Variants in NFIB observed in about 807,000 individuals in gnomAD.
The protein encoded by NFIB is nuclear factor I B.
NFIB carries 11 observed loss-of-function variants against 61.5 expected under a neutral mutation model. The observed-to-expected ratio is 0.18, with a 90% confidence interval of 0.11 to 0.30. The LOEUF is 0.30. Among genes scored for constraint, NFIB ranks in the 10% least tolerant of loss-of-function variants. NFIB has a pLI of 1.00. For synonymous variants in NFIB, 260 were observed against 216.5 expected (o/e 1.20, Z -1.76); for missense variants, 471 against 608.9 (o/e 0.77, Z 2.38).
Position 14,083,422 on chromosome 9 carries a change from A to G in NFIB, c.*4887T>C, listed in dbSNP as rs1356774507. 5 of 213,510 alleles carry G rather than the reference A, an allele frequency of 2.3e-5. No individual in the cohort carries two copies. Among genetic ancestry groups the G allele is most frequent in the Non-Finnish European group, 3.8e-5 (4 of 106,236 alleles). 13.2% of individuals were successfully genotyped at this position (213,510 alleles called of 1,614,324 possible). ...GAAGGCAGCTTTCAGCTCCTTCAGC[A>G]TGGAGTAGAACATTCATTTTTGAGC... On this transcript the variant is annotated 3_prime_UTR_variant, in exon 11 of 11. Transcript: ENST00000380953.
intron 2 of NFIB, among the ~76,000 whole-genome samples, chr9:14,220,071 T>C (rs553338010): frequency 6.6e-6 from 1 of 152,234 alleles, no homozygotes; most frequent in Non-Finnish European, 1.5e-5. Context: ...TTTCTGCATG[T>C]TGAGCCAAGG....
At chr9:14,212,362 T>C (rs2050403893) in intron 2 of NFIB, among the ~76,000 whole-genome samples, 2 of 152,220 alleles carry the variant, frequency 1.3e-5, no homozygotes, top group Non-Finnish European at 2.9e-5. Context: ...CAAATGATTA[T>C]ATACTCATTT....
intron 2 of NFIB, among the ~76,000 whole-genome samples, chr9:14,217,209 T>C (rs1156412678): frequency 6.6e-6 from 1 of 152,206 alleles, no homozygotes; most frequent in African/African-American, 2.4e-5. Flanking sequence ...GTTACAGCTT[T>C]TATATATGTT....
chr9:14,469,132 G>T, the NFIB span, among the ~76,000 whole-genome samples: 1 of 152,092 alleles, frequency 6.6e-6, no homozygotes, highest in African/African-American at 2.4e-5. Flanking sequence ...ATTTTTTGAT[G>T]CCCACTTCTT....
intron 2 of NFIB, among the ~76,000 whole-genome samples, chr9:14,269,169 A>G (rs1449378668): frequency 2.0e-5 from 3 of 152,130 alleles, no homozygotes; most frequent in Non-Finnish European, 2.9e-5. Flanking sequence ...CTGAACTTTT[A>G]CTTTTTAATG....
chr9:14,183,491 C>T (rs1345208617), intron 2 of NFIB, among the ~76,000 whole-genome samples: 1 of 151,844 alleles, frequency 6.6e-6, no homozygotes, highest in Non-Finnish European at 1.5e-5. Flanking sequence ...GAAGCCTCCA[C>T]CTCCTGGGTT....
intron 10 of NFIB, among the ~76,000 whole-genome samples, chr9:14,094,916 A>C (rs2034539822): frequency 6.6e-6 from 1 of 151,990 alleles, no homozygotes; most frequent in African/African-American, 2.4e-5. Flanking sequence ...GGCACAGTGG[A>C]TTGAATGTTA....
chr9:14,291,919 G>C (rs1317027441), intron 2 of NFIB, among the ~76,000 whole-genome samples: 1 of 151,806 alleles, frequency 6.6e-6, no homozygotes, highest in Non-Finnish European at 1.5e-5. Flanking sequence ...TCAAATTTTG[G>C]TATTAGTTGA....
chr9:14,206,419 T>C (rs565670605), intron 2 of NFIB, among the ~76,000 whole-genome samples: 139 of 152,164 alleles, frequency 9.1e-4, no homozygotes, highest in Middle Eastern at 3.4e-3. Flanking sequence ...TCTTCCTGCC[T>C]CGGCCTCGCA....
the NFIB span, among the ~76,000 whole-genome samples, chr9:14,486,696 T>TACAC: frequency 4.1e-3 from 619 of 149,958 alleles, 9 homozygotes; most frequent in East Asian, 0.012. Context: ...TGCATGTAAA[T>TACAC]ACACACACAC....
intron 10 of NFIB, among the ~76,000 whole-genome samples, chr9:14,097,321 C>G (rs2034951210): frequency 6.6e-6 from 1 of 152,066 alleles, no homozygotes; most frequent in South Asian, 2.1e-4. Context: ...CAGAGTGGTG[C>G]TAGGGGCCCA....
the NFIB span, among the ~76,000 whole-genome samples, chr9:14,524,960 G>T: frequency 6.6e-6 from 1 of 152,206 alleles, no homozygotes; most frequent in African/African-American, 2.4e-5. Flanking sequence ...GCTCCAGGAG[G>T]TAAACAGATA....
At chr9:14,235,212 A>C (rs564964296) in intron 2 of NFIB, among the ~76,000 whole-genome samples, 22 of 152,338 alleles carry the variant, frequency 1.4e-4, no homozygotes, top group African/African-American at 5.3e-4. Flanking sequence ...TTCCTTTAAA[A>C]TTCAGGCTTA....
chr9:14,360,307 C>A (rs2061223577), intron 1 of NFIB, among the ~76,000 whole-genome samples: 1 of 152,146 alleles, frequency 6.6e-6, no homozygotes, highest in Admixed American at 6.5e-5. Context: ...GTATAGCCCC[C>A]ATATTGAGGT....
chr9:14,089,603 G>A (rs2033526793), intron 10 of NFIB, among the ~76,000 whole-genome samples: 1 of 151,998 alleles, frequency 6.6e-6, no homozygotes, highest in South Asian at 2.1e-4. Flanking sequence ...ACATCAAACT[G>A]ACAATTCAGT....
chr9:14,483,286 T>C, the NFIB span, among the ~76,000 whole-genome samples: 1 of 152,238 alleles, frequency 6.6e-6, no homozygotes, highest in Non-Finnish European at 1.5e-5. Context: ...TTACATTCTA[T>C]TGTTACCACA....
At chr9:14,528,955 A>G in the NFIB span, among the ~76,000 whole-genome samples, 4 of 152,180 alleles carry the variant, frequency 2.6e-5, no homozygotes, top group African/African-American at 9.6e-5. Flanking sequence ...AATATAGCCA[A>G]GCAACGGTAA....
At chr9:14,459,310 C>G in the NFIB span, among the ~76,000 whole-genome samples, 4 of 152,124 alleles carry the variant, frequency 2.6e-5, no homozygotes, top group African/African-American at 9.7e-5. Context: ...AACTGGCTAG[C>G]CATATGTAGA....
the NFIB span, among the ~76,000 whole-genome samples, chr9:14,411,052 G>A: frequency 2.0e-5 from 3 of 152,074 alleles, no homozygotes; most frequent in South Asian, 2.1e-4. Context: ...TCAATTAGTG[G>A]TAAGTAAAAA....
Sources: gnomAD v4.1 joint callset for allele counts (sites outside exome capture counted in the v4.1 genomes callset) on GRCh38, gnomAD v4.1.1 for gene constraint, MANE v1.5 for transcripts, NCBI Gene and HGNC (gene_info 2026-07-23, HGNC 2026-07-21) for gene names.